The following MAN2B2 variants were observed in gnomAD, a reference collection of about 807,000 sequenced individuals.
The protein encoded by MAN2B2 is epididymis-specific alpha-mannosidase.
MAN2B2 carries 106 observed loss-of-function variants against 117.1 expected under a neutral mutation model. The ratio of observed to expected loss-of-function variants is 0.90; its 90% CI spans 0.77 to 1.06. MAN2B2 has a LOEUF of 1.06. Among genes scored for constraint, MAN2B2 ranks in the 50% least tolerant of loss-of-function variants. The probability of loss-of-function intolerance (pLI) is 0.00; values close to 1 mark genes in which losing one functional copy is unlikely to be tolerated. For missense variants in MAN2B2, 1,326 were observed against 1,381.4 expected, an observed-to-expected ratio of 0.96 and a Z score of 0.64; for synonymous variants, 544 against 595.1, an observed-to-expected ratio of 0.91 and a Z score of 1.25.
intron 9 of MAN2B2, among the ~76,000 whole-genome samples, 175 bp downstream of exon 9, chr4:6,598,529 T>G (rs1214838327): frequency 2.6e-5 from 4 of 152,180 alleles, no homozygotes; most frequent in Admixed American, 2.6e-4. Context: ...CTCTGTTTGC[T>G]CATCCGTGCA....
intron 3 of MAN2B2, 116 bp downstream of exon 3, chr4:6,578,614 C>A: frequency 1.3e-6 from 1 of 782,664 alleles, no homozygotes; most frequent in Non-Finnish European, 2.1e-6. Flanking sequence ...GGGTCGGGGA[C>A]CTTAACCAGT....
At position 6,609,343 on chromosome 4, in the gene MAN2B2, G is replaced by A. The variant is rs188381118; in HGVS notation, c.2006+45G>A. The A allele has an allele frequency of 2.7e-4, 433 of 1,578,926 alleles. 3 individuals are homozygous for A. In the East Asian group the frequency reaches 8.1e-3, roughly 29 times the overall value. ...CCCCACAGCCCGGCACACAGTCAGCGCACGCGTGCAGGCAGCTCAGTGAAT... is the reference window on the plus strand; with the variant it reads ...CCCCACAGCCCGGCACACAGTCAGCACACGCGTGCAGGCAGCTCAGTGAAT... On this transcript the variant is annotated intron_variant, in intron 12 of 18. Transcript: ENST00000285599.
chr4:6,578,078 C>T (rs533161192), intron 2 of MAN2B2, among the ~76,000 whole-genome samples: 3 of 152,238 alleles, frequency 2.0e-5, no homozygotes, highest in South Asian at 2.1e-4. Context: ...GATGAGTGAA[C>T]CTTGGGAAAG....
Position 6,597,368 on chromosome 4 carries a change from T to C in MAN2B2, c.1248+65T>C. ...CCCATGCTGCGCACCTCCCCTCCCT[T>C]GTCCTAGCCAATCCTTCCAGCCCTG... On this transcript the variant is annotated intron_variant, in intron 8 of 18. Coordinates refer to ENST00000285599, the MANE Select transcript of MAN2B2 (RefSeq NM_015274.3). The C allele has an allele frequency of 2.1e-6, 3 of 1,450,252 alleles. No homozygotes were observed. In the East Asian group the frequency reaches 7.6e-5, roughly 37 times the overall value. The allele number at this position is 1,450,252 out of a possible 1,614,324, so 89.8% of individuals were successfully genotyped here. A position where few individuals can be genotyped will look rare whatever the true frequency, so the allele number is the denominator to read the frequency against.
intron 5 of MAN2B2, among the ~76,000 whole-genome samples, chr4:6,591,262 C>G (rs753151046): frequency 6.6e-6 from 1 of 152,240 alleles, no homozygotes; most frequent in African/African-American, 2.4e-5. Flanking sequence ...AATCACCTCC[C>G]GTTCACCCCG....
At chr4:6,588,989 T>C (rs972086705) in intron 4 of MAN2B2, 56 bp from the exon 5 acceptor site, 7 of 1,346,816 alleles carry the variant, frequency 5.2e-6, no homozygotes, top group Non-Finnish European at 7.4e-6. Flanking sequence ...CTGAGGGAAG[T>C]GGAGCTGGGG....
At position 6,587,249 on chromosome 4, in the gene MAN2B2, CT is replaced by C. The variant is rs1277982411; in HGVS notation, c.564+82del. On this transcript the variant is annotated intron_variant, in intron 4 of 18. Transcript: ENST00000285599. ...TGAATCAGAGCACGGTAGAAAGCTG[CT>C]GCTCTATGCCGAAGTGTTCGGAAAT... 3.3e-5 allele frequency: 50 copies of C among 1,506,944 alleles called. 1 individual carries two copies. The highest frequency in any genetic ancestry group is 4.4e-5 in the Non-Finnish European group (49 of 1,115,096). 93.3% of individuals were successfully genotyped at this position (1,506,944 alleles called of 1,614,324 possible). A position where few individuals can be genotyped will look rare whatever the true frequency, so the allele number is the denominator to read the frequency against.
chr4:6,581,186 G>T (rs547329150), intron 3 of MAN2B2, among the ~76,000 whole-genome samples: 2 of 152,250 alleles, frequency 1.3e-5, no homozygotes, highest in South Asian at 4.2e-4. Context: ...CCCACCACCA[G>T]CTAAGTGATG....
chr4:6,600,832 C>G (rs571559744), intron 10 of MAN2B2, 76 bp downstream of exon 10: 1 of 1,556,370 alleles, frequency 6.4e-7, no homozygotes, highest in South Asian at 1.1e-5. Context: ...ATTGTCTCTT[C>G]TGACCCTGCA....
intron 9 of MAN2B2, among the ~76,000 whole-genome samples, chr4:6,599,932 T>C (rs1027154820): frequency 6.6e-6 from 1 of 152,196 alleles, no homozygotes; most frequent in South Asian, 2.1e-4. Flanking sequence ...GTGGGGACTT[T>C]TGAGGAGCTG....
intron 18 of MAN2B2, 165 bp downstream of exon 18, chr4:6,620,209 G>C: frequency 1.7e-6 from 1 of 590,852 alleles, no homozygotes; most frequent in Non-Finnish European, 3.0e-6. Flanking sequence ...ACTACAGTCG[G>C]TTAAGAAAGG....
chr4:6,608,591 G>A (rs1453896559), intron 11 of MAN2B2, among the ~76,000 whole-genome samples: 1 of 152,220 alleles, frequency 6.6e-6, no homozygotes, highest in Non-Finnish European at 1.5e-5. Flanking sequence ...CTTCCTAGAT[G>A]TGTGATCTTG....
chr4:6,597,028 C>T (rs1159443080), intron 7 of MAN2B2, 85 bp from the exon 8 acceptor site: 46 of 1,368,402 alleles, frequency 3.4e-5, no homozygotes, highest in Non-Finnish European at 4.1e-5. Flanking sequence ...TCTGCAGCCC[C>T]AGCTTCTCAG....
At chr4:6,617,935 T>C (rs1711978492) in intron 17 of MAN2B2, 3 of 169,182 alleles carry the variant, frequency 1.8e-5, no homozygotes, top group South Asian at 2.7e-4. Context: ...GCAACCTCCA[T>C]CTCCCAGGTT....
At position 6,598,308 on chromosome 4, in the gene MAN2B2, C is replaced by T. The variant is rs758819890; in HGVS notation, c.1359C>T (p.Ile453=). The change falls in exon 9 of 19, where the codon ATC becomes ATT. Residue 453 remains isoleucine (I), a synonymous_variant. Transcript: ENST00000285599. ...GCATGCGCAAGCTGATGGCCTCCAT[C>T]GTCCTAGATGAGCTCCAGCCCCAGG... ...MLGMRKLMAS[I]VLDELQPQAP... The T allele has an allele frequency of 1.7e-5, 27 of 1,613,432 alleles. No homozygotes were observed. Among genetic ancestry groups the T allele is most frequent in the Non-Finnish European group, 2.2e-5 (26 of 1,180,050 alleles).
At chr4:6,611,300 G>GT (rs761973709) in intron 15 of MAN2B2, 22 bp downstream of exon 15, 3 of 1,575,816 alleles carry the variant, frequency 1.9e-6, no homozygotes, top group Non-Finnish European at 2.6e-6. Context: ...CCCTTTCAGA[G>GT]TAACATCATC....
chr4:6,613,311 G>A (rs138545004), intron 15 of MAN2B2, among the ~76,000 whole-genome samples: 35 of 152,178 alleles, frequency 2.3e-4, no homozygotes, highest in African/African-American at 6.7e-4. Flanking sequence ...GGTTCTGGCC[G>A]GACATGGTGG....
At chr4:6,606,256 C>G (rs533301921) in intron 11 of MAN2B2, among the ~76,000 whole-genome samples, 1 of 152,354 alleles carries the variant, frequency 6.6e-6, no homozygotes, top group East Asian at 1.9e-4. Context: ...TCCCTGCCCA[C>G]AGAGCTCCAG....
rs747772317 is a variant in MAN2B2, at chr4:6,620,058, C to T, written c.2932+14C>T. On this transcript the variant is annotated intron_variant, in intron 18 of 18. Transcript: ENST00000285599. The stretch of plus-strand genomic sequence containing the variant: ...GCCGCCACAGAGGTTTGGGGACCCC[C>T]GCTTCAGCTCCCTACCCAGGACTCC... The T allele has an allele frequency of 5.7e-5, 91 of 1,595,314 alleles. No homozygotes were observed. Among genetic ancestry groups the T allele is most frequent in the Non-Finnish European group, 7.3e-5 (85 of 1,170,308 alleles).
Sources: gnomAD v4.1 joint callset for allele counts (sites outside exome capture counted in the v4.1 genomes callset) on GRCh38, gnomAD v4.1.1 for gene constraint, MANE v1.5 for transcripts, NCBI Gene and HGNC (gene_info 2026-07-23, HGNC 2026-07-21) for gene names.